MBNL2: variants seen among roughly 807,000 people sequenced by gnomAD.
The protein encoded by MBNL2 is muscleblind-like protein 2.
In MBNL2, 17 loss-of-function variants were observed where a neutral mutation model predicts 41.9. The ratio of observed to expected loss-of-function variants is 0.41; its 90% CI spans 0.28 to 0.61. MBNL2 has a LOEUF of 0.61. MBNL2 is among the 20% of genes least tolerant of loss of function. MBNL2 has a pLI of 0.35. For synonymous variants in MBNL2, 195 were observed against 182.9 expected (o/e 1.07, Z -0.53); for missense variants, 336 against 505.6 (o/e 0.66, Z 3.22).
At chr13:97,158,664 A>T in the MBNL2 span, among the ~76,000 whole-genome samples, 2 of 151,924 alleles carry the variant, frequency 1.3e-5, no homozygotes, top group East Asian at 3.8e-4. Context: ...CCCAGTAGTC[A>T]TTCAGGAGCA....
chr13:97,365,296 A>G (rs931218663), intron 8 of MBNL2, 125 bp downstream of exon 8: 3 of 743,682 alleles, frequency 4.0e-6, no homozygotes, highest in African/African-American at 1.7e-5. Flanking sequence ...ATTTGGCTTT[A>G]GAGTTAACAT....
chr13:97,226,751 A>G (rs945917978), intron 1 of MBNL2, among the ~76,000 whole-genome samples: 1 of 152,220 alleles, frequency 6.6e-6, no homozygotes, highest in African/African-American at 2.4e-5. Flanking sequence ...TAGATAGATA[A>G]GAATGGTGCA....
intron 1 of MBNL2, among the ~76,000 whole-genome samples, chr13:97,229,153 C>T (rs770898154): frequency 4.1e-5 from 6 of 147,686 alleles, no homozygotes; most frequent in African/African-American, 1.5e-4. Flanking sequence ...TAGATGCAAG[C>T]TTCAATTAAT....
intron 1 of MBNL2, among the ~76,000 whole-genome samples, chr13:97,253,897 T>C (rs1332373758): frequency 6.6e-6 from 1 of 152,072 alleles, no homozygotes; most frequent in African/African-American, 2.4e-5. Flanking sequence ...TCAATACAAT[T>C]TTTATTTATT....
At chr13:97,267,600 T>A (rs1274327058) in intron 1 of MBNL2, among the ~76,000 whole-genome samples, 1 of 152,140 alleles carries the variant, frequency 6.6e-6, no homozygotes. Flanking sequence ...AGGCCACTAG[T>A]CCCTTTAAAG....
At chr13:97,213,273 A>C in the MBNL2 span, among the ~76,000 whole-genome samples, 1 of 152,230 alleles carries the variant, frequency 6.6e-6, no homozygotes, top group East Asian at 1.9e-4. Flanking sequence ...ATGTGAAGAA[A>C]GATAGGCAGA....
chr13:97,286,602 T>TC (rs1480968450), intron 2 of MBNL2, among the ~76,000 whole-genome samples: 1 of 152,120 alleles, frequency 6.6e-6, no homozygotes. Context: ...AAATTCAAAG[T>TC]CCCTTAAGGA....
the MBNL2 span, among the ~76,000 whole-genome samples, chr13:97,190,139 C>A: frequency 2.6e-5 from 4 of 152,218 alleles, no homozygotes; most frequent in African/African-American, 9.6e-5. Flanking sequence ...CGGATTCCAA[C>A]CAGCCACAGC....
the MBNL2 span, among the ~76,000 whole-genome samples, chr13:97,183,691 C>T: frequency 2.2e-4 from 33 of 152,168 alleles, no homozygotes; most frequent in African/African-American, 8.0e-4. Flanking sequence ...TGGGCATTGT[C>T]CTGTGCACCT....
chr13:97,319,270 G>A (rs991976301), intron 2 of MBNL2, among the ~76,000 whole-genome samples: 1 of 152,186 alleles, frequency 6.6e-6, no homozygotes, highest in African/African-American at 2.4e-5. Flanking sequence ...CAAAGCTAGG[G>A]CCATGAGTCA....
the MBNL2 span, among the ~76,000 whole-genome samples, chr13:97,177,793 G>A: frequency 6.6e-6 from 1 of 152,118 alleles, no homozygotes; most frequent in Non-Finnish European, 1.5e-5. Context: ...CATAAAATGT[G>A]TTAACATATA....
intron 1 of MBNL2, among the ~76,000 whole-genome samples, chr13:97,256,643 G>A (rs2047597966): frequency 6.6e-6 from 1 of 152,130 alleles, no homozygotes; most frequent in South Asian, 2.1e-4. Context: ...GAATGATAAT[G>A]CCTTATACGA....
At chr13:97,388,955 G>A (rs78257555) in intron 8 of MBNL2, among the ~76,000 whole-genome samples, 1,776 of 152,248 alleles carry the variant, frequency 0.012, 40 homozygotes, top group African/African-American at 0.04. Context: ...AGTGTGATTC[G>A]TTTTTTATAC....
At chr13:97,191,630 C>T in the MBNL2 span, among the ~76,000 whole-genome samples, 1 of 152,166 alleles carries the variant, frequency 6.6e-6, no homozygotes, top group East Asian at 1.9e-4. Context: ...AGAAGAATAA[C>T]TCTGCTGTGT....
the MBNL2 span, among the ~76,000 whole-genome samples, chr13:97,193,761 C>T: frequency 3.9e-5 from 6 of 152,118 alleles, no homozygotes; most frequent in South Asian, 2.1e-4. Context: ...GTAGGAGAGA[C>T]GTCAAGAAGC....
intron 2 of MBNL2, among the ~76,000 whole-genome samples, chr13:97,294,431 T>C (rs562461086): frequency 6.6e-6 from 1 of 152,348 alleles, no homozygotes; most frequent in South Asian, 2.1e-4. Flanking sequence ...TTTTTAAGAA[T>C]ATGGAAGTGT....
intron 1 of MBNL2, among the ~76,000 whole-genome samples, chr13:97,269,258 C>T (rs1010278846): frequency 1.3e-5 from 2 of 152,194 alleles, no homozygotes; most frequent in South Asian, 2.1e-4. Flanking sequence ...GAGAGACTTA[C>T]ACAAAACTGG....
At chr13:97,211,777 A>G in the MBNL2 span, among the ~76,000 whole-genome samples, 1 of 152,238 alleles carries the variant, frequency 6.6e-6, no homozygotes, top group African/African-American at 2.4e-5. Flanking sequence ...CTCTTTGCAC[A>G]AATTATTTTA....
intron 1 of MBNL2, among the ~76,000 whole-genome samples, chr13:97,258,034 G>A (rs1338227149): frequency 1.3e-5 from 2 of 152,128 alleles, no homozygotes; most frequent in African/African-American, 4.8e-5. Flanking sequence ...ATAGTGACGA[G>A]CCTCTGAGGA....
Sources: allele counts gnomAD v4.1 joint callset (sites outside exome capture counted in the v4.1 genomes callset), GRCh38; gene constraint gnomAD v4.1.1; transcripts MANE v1.5; gene names NCBI Gene and HGNC (gene_info 2026-07-23, HGNC 2026-07-21).